The following HMCN1 variants were observed in gnomAD, a reference collection of about 807,000 sequenced individuals.
HMCN1 encodes hemicentin-1.
HMCN1 carries 321 observed loss-of-function variants against 625.9 expected under a neutral mutation model. The observed-to-expected ratio is 0.51, with a 90% CI of 0.47 to 0.56. The LOEUF (loss-of-function observed/expected upper bound fraction) is 0.56. HMCN1 is among the 20% of genes least tolerant of loss of function. The pLI is 0.00. For synonymous variants in HMCN1, 2,425 were observed against 2,417.6 expected (o/e 1.00, Z -0.09); for missense variants, 6,588 against 6,887.3 (o/e 0.96, Z 1.54).
At chr1:185,868,133 T>A (rs1228336304) in intron 4 of HMCN1, among the ~76,000 whole-genome samples, 1 of 151,326 alleles carries the variant, frequency 6.6e-6, no homozygotes, top group African/African-American at 2.4e-5. Flanking sequence ...TTATTAGTAG[T>A]GGGTTTCAGA....
intron 39 of HMCN1, 141 bp from the exon 40 acceptor site, chr1:186,040,872 G>T: frequency 2.5e-6 from 2 of 805,006 alleles, no homozygotes; most frequent in Middle Eastern, 3.7e-4. Context: ...TATGATGTTT[G>T]CCTACTTAAA....
At chr1:185,904,554 TCA>T (rs1385558388) in intron 4 of HMCN1, among the ~76,000 whole-genome samples, 7 of 151,808 alleles carry the variant, frequency 4.6e-5, no homozygotes, top group African/African-American at 1.7e-4. Flanking sequence ...AGATATTATT[TCA>T]GATTCACTCT....
intron 36 of HMCN1, among the ~76,000 whole-genome samples, chr1:186,024,042 A>T (rs1654896723): frequency 6.6e-6 from 1 of 152,210 alleles, no homozygotes; most frequent in Non-Finnish European, 1.5e-5. Flanking sequence ...AAAAGATTCA[A>T]ATCATCAGTT....
rs1034161178 is a variant in HMCN1, at chr1:186,125,912, A to G, written c.12690+118A>G. 18 of 733,496 alleles carry G rather than the reference A, an allele frequency of 2.5e-5. No homozygotes were observed. In the African/African-American group the frequency reaches 2.7e-4, roughly 11 times the overall value. 45.4% of individuals were successfully genotyped at this position (733,496 alleles called of 1,614,324 possible). ...TAATTAAAAAAAATATTCTTGTAAA[A>G]TCAGGTCACAAAATTAATTTTACAC... On this transcript the variant is annotated intron_variant, in intron 82 of 106. Transcript: ENST00000271588.
At chr1:186,080,372 A>C (rs565283768) in intron 55 of HMCN1, among the ~76,000 whole-genome samples, 2 of 152,364 alleles carry the variant, frequency 1.3e-5, no homozygotes, top group Admixed American at 6.5e-5. Flanking sequence ...CAAAACAAAA[A>C]TGATTATTTT....
chr1:185,837,028 GTGTA>G (rs1462520076), intron 1 of HMCN1, among the ~76,000 whole-genome samples: 236 of 148,972 alleles, frequency 1.6e-3, no homozygotes, highest in African/African-American at 5.7e-3. Flanking sequence ...GTGTGTGTGT[GTGTA>G]TATATAAAAT....
At chr1:186,032,732 G>A (rs1655541376) in intron 36 of HMCN1, among the ~76,000 whole-genome samples, 1 of 126,188 alleles carries the variant, frequency 7.9e-6, no homozygotes, top group South Asian at 2.6e-4. Context: ...TAACACAATG[G>A]CCATAAGTAA....
At position 186,128,114 on chromosome 1, in the gene HMCN1, A is replaced by T; in HGVS notation, c.12727A>T (p.Asn4243Tyr). ...DSGFYTCVAN[N>Y]AAGEDTHTVS... ...TGGCTTCTATACCTGTGTTGCTAACAATGCTGCAGGTGAAGATACACACAC... is the reference window on the plus strand; with the variant it reads ...TGGCTTCTATACCTGTGTTGCTAACTATGCTGCAGGTGAAGATACACACAC... Residue 4243 changes from asparagine to tyrosine, a missense_variant, in exon 83 of 107, where the codon AAT becomes TAT. Transcript: ENST00000271588. 1 of 1,613,612 alleles carries T rather than the reference A, an allele frequency of 6.2e-7. No homozygotes were observed. The highest frequency in any genetic ancestry group is 8.5e-7 in the Non-Finnish European group (1 of 1,179,700).
At chr1:186,002,312 A>G (rs1653252947) in intron 28 of HMCN1, among the ~76,000 whole-genome samples, 1 of 152,126 alleles carries the variant, frequency 6.6e-6, no homozygotes, top group Non-Finnish European at 1.5e-5. Flanking sequence ...GTGAAATTAT[A>G]TTTGCCATTT....
chr1:185,778,221 A>G (rs569371237), intron 1 of HMCN1, among the ~76,000 whole-genome samples: 2 of 152,270 alleles, frequency 1.3e-5, no homozygotes, highest in East Asian at 1.9e-4. Flanking sequence ...GTGAGGGACA[A>G]ACTGTGGATT....
chr1:185,859,579 G>A (rs1662734673), intron 2 of HMCN1, among the ~76,000 whole-genome samples: 1 of 152,058 alleles, frequency 6.6e-6, no homozygotes, highest in Non-Finnish European at 1.5e-5. Context: ...CACATTTCAA[G>A]TGCTTAATAG....
intron 1 of HMCN1, among the ~76,000 whole-genome samples, chr1:185,845,301 T>A (rs1030018832): frequency 6.6e-6 from 1 of 152,148 alleles, no homozygotes; most frequent in Admixed American, 6.5e-5. Context: ...CACTGCAACC[T>A]CCACCTCCTG....
rs189309829 is a variant in HMCN1, at chr1:186,027,216, G to A, written c.5749+4063G>A. On this transcript the variant is annotated intron_variant, in intron 36 of 106. Transcript: ENST00000271588. ...ATTCTCATGGGGTTTTCCAGGGTGGGGAGTTCTGTCATTTATAAAGGGCAG... is the reference window on the plus strand; with the variant it reads ...ATTCTCATGGGGTTTTCCAGGGTGGAGAGTTCTGTCATTTATAAAGGGCAG... Among the ~76,000 whole-genome samples the A allele has an allele frequency of 6.6e-5, 10 of 152,224 alleles. No homozygotes were observed. In the East Asian group the frequency reaches 1.9e-3, roughly 29 times the overall value.
intron 68 of HMCN1, among the ~76,000 whole-genome samples, chr1:186,100,045 G>T (rs1323956343): frequency 6.6e-6 from 1 of 151,996 alleles, no homozygotes; most frequent in African/African-American, 2.4e-5. Context: ...CAGGGGCCTG[G>T]TCTAGCATGT....
intron 33 of HMCN1, among the ~76,000 whole-genome samples, 194 bp downstream of exon 33, chr1:186,017,265 A>G (rs941932161): frequency 3.3e-5 from 5 of 152,046 alleles, no homozygotes; most frequent in South Asian, 2.1e-4. Flanking sequence ...AATTTGCTCA[A>G]TTAGAGGAAT....
chr1:185,757,461 C>T (rs547116180), intron 1 of HMCN1, among the ~76,000 whole-genome samples: 3 of 152,146 alleles, frequency 2.0e-5, no homozygotes, highest in East Asian at 1.9e-4. Flanking sequence ...TTCTCTCAGC[C>T]GAGAATGTTT....
intron 6 of HMCN1, among the ~76,000 whole-genome samples, chr1:185,920,035 TA>T (rs1666923005): frequency 6.6e-6 from 1 of 152,208 alleles, no homozygotes; most frequent in South Asian, 2.1e-4. Context: ...GTGAAAACAA[TA>T]GCTTACTTTA....
intron 1 of HMCN1, among the ~76,000 whole-genome samples, chr1:185,822,846 T>G (rs1188450918): frequency 6.6e-6 from 1 of 151,340 alleles, no homozygotes; most frequent in African/African-American, 2.5e-5. Flanking sequence ...CTTATTTGAC[T>G]GATAATACTT....
chr1:185,926,496 TAAACAGTA>T (rs1244389433), intron 9 of HMCN1, among the ~76,000 whole-genome samples: 2 of 152,226 alleles, frequency 1.3e-5, no homozygotes. Flanking sequence ...GTTTTATGTT[TAAACAGTA>T]ACATTTTTCA....
Sources: gnomAD v4.1 joint callset for allele counts (sites outside exome capture counted in the v4.1 genomes callset) on GRCh38, gnomAD v4.1.1 for gene constraint, MANE v1.5 for transcripts, NCBI Gene and HGNC (gene_info 2026-07-23, HGNC 2026-07-21) for gene names.